Variants in THSD4 observed in about 807,000 individuals in gnomAD.
THSD4 encodes thrombospondin type-1 domain-containing protein 4.
THSD4 carries 69 observed loss-of-function variants against 119.0 expected under a neutral mutation model. That is an observed-to-expected ratio of 0.58 (90% CI 0.48 to 0.71). THSD4 has a LOEUF of 0.71. THSD4 is among the 30% of genes least tolerant of loss of function. The pLI, the probability that THSD4 is intolerant of heterozygous loss-of-function variation, is 0.00. For synonymous variants in THSD4, 524 were observed against 540.4 expected, an observed-to-expected ratio of 0.97 and a Z score of 0.42; for missense variants, 1,393 against 1,391.1, an observed-to-expected ratio of 1.00 and a Z score of -0.02.
chr15:71,238,293 CT>C (rs1315736506), intron 4 of THSD4, among the ~76,000 whole-genome samples: 3 of 152,028 alleles, frequency 2.0e-5, no homozygotes, highest in African/African-American at 7.3e-5. Context: ...AACATGCTTT[CT>C]TAAAAAAAAC....
chr15:71,150,601 G>A (rs909049506), intron 2 of THSD4, among the ~76,000 whole-genome samples: 2 of 152,190 alleles, frequency 1.3e-5, no homozygotes, highest in Admixed American at 1.3e-4. Context: ...ATAGGGCCCA[G>A]TAAATGAAGA....
chr15:71,111,287 C>A, upstream of THSD4: 3 of 1,614,024 alleles, frequency 1.9e-6, no homozygotes, highest in Non-Finnish European at 2.5e-6. Context: ...GACATTCCGT[C>A]TGGAAACCAT....
chr15:71,167,228 G>C (rs999823349), intron 3 of THSD4: 5 of 152,206 alleles, frequency 3.3e-5, no homozygotes, highest in African/African-American at 1.2e-4. Flanking sequence ...ATTAAAACAG[G>C]AGTCAACATG....
intron 7 of THSD4, among the ~76,000 whole-genome samples, chr15:71,423,863 A>T (rs1018832583): frequency 4.6e-5 from 7 of 152,182 alleles, no homozygotes; most frequent in Non-Finnish European, 7.3e-5. Context: ...AACCACTGGG[A>T]TGGATGAGTG....
chr15:71,579,207 T>C (rs1567045797), intron 7 of THSD4, among the ~76,000 whole-genome samples: 2 of 152,320 alleles, frequency 1.3e-5, no homozygotes, highest in South Asian at 4.1e-4. Context: ...TGGGGATAAA[T>C]TGGATTTAGG....
In THSD4 at chr15:71,745,114, T is replaced by C; in HGVS notation, c.1915T>C (p.Tyr639His). The C allele has an allele frequency of 6.2e-7, 1 of 1,611,146 alleles. No homozygotes were observed. The highest frequency in any genetic ancestry group is 8.5e-7 in the Non-Finnish European group (1 of 1,179,238). ...CSTTCGKGSQ[Y>H]PIFRCVHRST... Reference sequence around the variant, plus strand: ...TTCTCCTGTTGTTGCAGGATCGCAGTACCCTATTTTCCGCTGTGTGCACAG... The same window carrying C: ...TTCTCCTGTTGTTGCAGGATCGCAGCACCCTATTTTCCGCTGTGTGCACAG... The change falls in exon 12 of 18, where the codon TAC (tyrosine) becomes CAC (histidine). Residue 639 changes from tyrosine (Y) to histidine (H), a missense_variant. Tyr to His is a moderately conservative substitution (Grantham distance 83). Coordinates refer to ENST00000261862, the MANE Select transcript of THSD4 (RefSeq NM_024817.3).
intron 6 of THSD4, among the ~76,000 whole-genome samples, chr15:71,276,889 G>C (rs1567178725): frequency 6.6e-6 from 1 of 152,146 alleles, no homozygotes. Context: ...AATTGTCAGG[G>C]GCTGGCCTGG....
chr15:71,169,255 G>A (rs1233448230), intron 3 of THSD4, among the ~76,000 whole-genome samples: 1 of 152,188 alleles, frequency 6.6e-6, no homozygotes, highest in Non-Finnish European at 1.5e-5. Context: ...GACACTACCA[G>A]AATGGCTAAA....
intron 7 of THSD4, among the ~76,000 whole-genome samples, chr15:71,510,893 A>G (rs765891595): frequency 1.8e-5 from 2 of 108,194 alleles, no homozygotes; most frequent in South Asian, 5.4e-4. Context: ...CTAGGCTCTT[A>G]TATAAGAGGA....
Position 71,215,350 on chromosome 15 carries a change from G to A in THSD4, c.415G>A (p.Gly139Ser), listed in dbSNP as rs1467321146. 1.8e-5 allele frequency: 28 copies of A among 1,532,172 alleles called. No individual in the cohort carries two copies. Among genetic ancestry groups the A allele is most frequent in the Middle Eastern group, 3.6e-4 (2 of 5,488 alleles). 94.9% of individuals were successfully genotyped at this position (1,532,172 alleles called of 1,614,324 possible). The change falls in exon 4 of 18, where the codon GGC becomes AGC. Residue 139 changes from glycine (G) to serine (S), a missense_variant. Transcript: ENST00000261862. Reference sequence around the variant, plus strand: ...CCGCCAGGGCCCCACGGTGCTGCGAGGCAGCCGGCACCCACAGCCCCAGGG... The same window carrying A: ...CCGCCAGGGCCCCACGGTGCTGCGAAGCAGCCGGCACCCACAGCCCCAGGG... ...ASRQGPTVLRGSRHPQPQGLE... is the reference protein window; with the variant it reads ...ASRQGPTVLRSSRHPQPQGLE...
chr15:71,587,650 C>T (rs2049699360), intron 7 of THSD4, among the ~76,000 whole-genome samples: 1 of 132,438 alleles, frequency 7.6e-6, no homozygotes, highest in Non-Finnish European at 1.7e-5. Context: ...GGAGGGATAG[C>T]ATTGGGAGAT....
chr15:71,495,546 T>C (rs368910150), intron 7 of THSD4, among the ~76,000 whole-genome samples: 1 of 152,198 alleles, frequency 6.6e-6, no homozygotes. Flanking sequence ...GAATGGAACA[T>C]TCTTCCCTGT....
At chr15:71,142,493 TAA>T (rs1470411171) in intron 2 of THSD4, among the ~76,000 whole-genome samples, 1 of 152,170 alleles carries the variant, frequency 6.6e-6, no homozygotes, top group Non-Finnish European at 1.5e-5. Flanking sequence ...TTTATTAATA[TAA>T]ATTTACTTTA....
intron 3 of THSD4, among the ~76,000 whole-genome samples, chr15:71,192,941 A>G (rs1266616495): frequency 6.6e-6 from 1 of 151,888 alleles, no homozygotes; most frequent in Admixed American, 6.6e-5. Context: ...TTTTCTTCCT[A>G]CGTTTCTGTT....
chr15:71,341,408 G>T lies in THSD4; in HGVS notation c.1016-70279G>T, dbSNP rs144035270. 4.8e-3 allele frequency: 7,733 copies of T among 1,611,928 alleles called. 360 individuals carry two copies. In the African/African-American group the frequency reaches 0.093, roughly 19 times the overall value. Reference sequence around the variant, plus strand: ...ATCTACATCTAAACCCTTAAGTTCAGCATTACTCTCTGCGTTTTTAAGCAT... The same window carrying T: ...ATCTACATCTAAACCCTTAAGTTCATCATTACTCTCTGCGTTTTTAAGCAT... On this transcript the variant is annotated intron_variant, in intron 6 of 17. Coordinates refer to ENST00000261862, the MANE Select transcript of THSD4 (RefSeq NM_024817.3).
At chr15:71,765,349 G>A (rs941878469) in intron 16 of THSD4, 150 bp downstream of exon 16, 13 of 949,018 alleles carry the variant, frequency 1.4e-5, no homozygotes, top group South Asian at 7.0e-5. Context: ...GGAGTACCCC[G>A]TGACTCAGCC....
At chr15:71,195,010 T>A (rs1330820376) in intron 3 of THSD4, among the ~76,000 whole-genome samples, 1 of 152,018 alleles carries the variant, frequency 6.6e-6, no homozygotes, top group Non-Finnish European at 1.5e-5. Context: ...TAGTCCACCA[T>A]GTGGAATGGG....
At chr15:71,723,654 T>G (rs1368828274) in intron 8 of THSD4, among the ~76,000 whole-genome samples, 2 of 152,186 alleles carry the variant, frequency 1.3e-5, no homozygotes, top group Non-Finnish European at 2.9e-5. Context: ...ATGGACAAAC[T>G]GAATTAAACT....
At chr15:71,217,780 G>A (rs1419583873) in intron 4 of THSD4, among the ~76,000 whole-genome samples, 1 of 146,988 alleles carries the variant, frequency 6.8e-6, no homozygotes, top group African/African-American at 2.5e-5. Flanking sequence ...TCCTGTACCA[G>A]GCACTGTTCT....
Sources: gnomAD v4.1 joint callset for allele counts (sites outside exome capture counted in the v4.1 genomes callset) on GRCh38, gnomAD v4.1.1 for gene constraint, MANE v1.5 for transcripts, NCBI Gene and HGNC (gene_info 2026-07-23, HGNC 2026-07-21) for gene names.